Variants in GALNT9 observed in about 807,000 individuals in gnomAD.
GALNT9 encodes the protein polypeptide N-acetylgalactosaminyltransferase 9, also known as GalNAc transferase 9.
GALNT9 carries 47 observed loss-of-function variants against 63.1 expected under a neutral mutation model. That is an observed-to-expected ratio of 0.75 (90% CI 0.59 to 0.95). GALNT9 has a LOEUF of 0.95. Ranked by LOEUF, GALNT9 falls within the 40% of genes least tolerant of loss-of-function variation. The pLI is 0.00. For synonymous variants in GALNT9, 396 were observed against 365.7 expected (o/e 1.08, Z -0.94); for missense variants, 829 against 874.8 (o/e 0.95, Z 0.66).
rs55692929 is a variant in GALNT9, at chr12:132,276,018, C to T, written c.419+10232G>A. ...GCCTGGCATCGAGCCGGCTCTGCCC[C>T]GCAGGTCCCAGTGAATCCACATTGC... On this transcript the variant is annotated intron_variant, in intron 2 of 10. Coordinates refer to ENST00000328957, the MANE Select transcript of GALNT9 (RefSeq NM_001122636.2). 4.7e-3 allele frequency among the ~76,000 whole-genome samples: 718 copies of T among 152,364 alleles called. 3 individuals are homozygous for T. The highest frequency in any genetic ancestry group is 0.016 in the African/African-American group (662 of 41,592).
chr12:132,258,158 C>T (rs953928923), intron 4 of GALNT9, among the ~76,000 whole-genome samples: 1 of 152,184 alleles, frequency 6.6e-6, no homozygotes, highest in African/African-American at 2.4e-5. Flanking sequence ...GTTGGCCCAA[C>T]TGCAGTATCT....
intron 5 of GALNT9, among the ~76,000 whole-genome samples, chr12:132,254,550 G>A (rs753943469): frequency 5.8e-4 from 89 of 152,322 alleles, no homozygotes; most frequent in Non-Finnish European, 4.0e-4. Context: ...GCTCCAGCAC[G>A]TGACTCTGTG....
chr12:132,225,636 CCACA>C (rs1224439964), intron 6 of GALNT9, among the ~76,000 whole-genome samples: 1 of 149,376 alleles, frequency 6.7e-6, no homozygotes, highest in Non-Finnish European at 1.5e-5. Flanking sequence ...AACCCACACC[CCACA>C]CACTGTATAT....
rs144984523 is a variant in GALNT9, at chr12:132,239,325, G to GACAGAGAGACACAGAGACAGAGACAC, written c.1077+8584_1077+8585insGTGTCTCTGTCTCTGTGTCTCTCTGT. 4.8e-5 allele frequency among the ~76,000 whole-genome samples: 5 copies of GACAGAGAGACACAGAGACAGAGACAC among 104,872 alleles called. 2 individuals are homozygous for GACAGAGAGACACAGAGACAGAGACAC. The highest frequency in any genetic ancestry group is 3.0e-4 in the Admixed American group (3 of 10,068). 68.8% of individuals were successfully genotyped at this position (104,872 alleles called of 152,430 possible). ...AGAGACACACACTGAGAGACTGAGAGAGAGAGACAGAGTCAGAGACAGAGT... is the reference window on the plus strand; with the variant it reads ...AGAGACACACACTGAGAGACTGAGAGACAGAGAGACACAGAGACAGAGACACAGAGAGACAGAGTCAGAGACAGAGT... On this transcript the variant is annotated intron_variant, in intron 6 of 10. Transcript: ENST00000328957.
chr12:132,320,331 G>C (rs537158422), intron 1 of GALNT9, among the ~76,000 whole-genome samples: 1 of 152,344 alleles, frequency 6.6e-6, no homozygotes, highest in African/African-American at 2.4e-5. Context: ...ACGCGGGTGC[G>C]GCAGACACGG....
At chr12:132,241,132 A>C (rs2136900817) in intron 6 of GALNT9, among the ~76,000 whole-genome samples, 320 of 17,616 alleles carry the variant, frequency 0.018, no homozygotes, top group Middle Eastern at 0.083. Context: ...ACACCCTTCC[A>C]GGGGCCCTCC....
chr12:132,198,848 C>T (rs755141544), intron 9 of GALNT9, among the ~76,000 whole-genome samples: 15 of 152,282 alleles, frequency 9.9e-5, no homozygotes, highest in East Asian at 1.9e-4. Flanking sequence ...GACAGGGTTT[C>T]GCCACGCTGC....
rs904060437 is a variant in GALNT9 at position 132,265,271 on chromosome 12, G to A, written c.420-2646C>T. Reference sequence around the variant, plus strand: ...CTGCTGGGGATGAGGGAGAGGCCACGGGGAGAAAATGACGGCTGGACCGGT... The same window carrying A: ...CTGCTGGGGATGAGGGAGAGGCCACAGGGAGAAAATGACGGCTGGACCGGT... On this transcript the variant is annotated intron_variant, in intron 2 of 10. Transcript: ENST00000328957. This position sits in a 1 kb window ranked among gnomAD's most constrained non-coding sequence, Gnocchi z 5.3. 1.3e-5 allele frequency among the ~76,000 whole-genome samples: 2 copies of A among 152,168 alleles called. No individual in the cohort carries two copies. Among genetic ancestry groups the A allele is most frequent in the Non-Finnish European group, 1.5e-5 (1 of 68,036 alleles).
At chr12:132,201,576 C>T (rs1444973632) in intron 7 of GALNT9, among the ~76,000 whole-genome samples, 1 of 152,194 alleles carries the variant, frequency 6.6e-6, no homozygotes, top group Non-Finnish European at 1.5e-5. Context: ...GACGGCCCTG[C>T]TCACCTGGCC....
rs1043770981 is a variant in GALNT9, at chr12:132,265,252, G to C, written c.420-2627C>G. 1.3e-4 allele frequency among the ~76,000 whole-genome samples: 20 copies of C among 152,264 alleles called. No homozygotes were observed. Among genetic ancestry groups the C allele is most frequent in the African/African-American group, 4.8e-4 (20 of 41,556 alleles). ...GCCTTGTCCTCCTGCGCTCCTGCTG[G>C]GGATGAGGGAGAGGCCACGGGGAGA... On this transcript the variant is annotated intron_variant, in intron 2 of 10. Transcript: ENST00000328957. This position sits in a 1 kb window ranked among gnomAD's most constrained non-coding sequence, Gnocchi z 5.3.
chr12:132,213,422 A>C (rs1414072784), intron 6 of GALNT9, among the ~76,000 whole-genome samples: 1 of 152,064 alleles, frequency 6.6e-6, no homozygotes, highest in Admixed American at 6.6e-5. Flanking sequence ...TGTGCAACAT[A>C]ATCACTCAGT....
At chr12:132,270,720 GGCCACA>G (rs1287631178) in intron 2 of GALNT9, among the ~76,000 whole-genome samples, 1 of 152,114 alleles carries the variant, frequency 6.6e-6, no homozygotes, top group Non-Finnish European at 1.5e-5. Context: ...ACACGGCCAC[GGCCACA>G]GCCACAGCCA....
At chr12:132,204,402 G>A (rs548448238) in intron 6 of GALNT9, among the ~76,000 whole-genome samples, 9 of 152,228 alleles carry the variant, frequency 5.9e-5, no homozygotes, top group African/African-American at 1.9e-4. Flanking sequence ...TTGCTCTCCC[G>A]ATTCTGGGTG....
intron 6 of GALNT9, among the ~76,000 whole-genome samples, chr12:132,240,892 A>G (rs113744994): frequency 0.065 from 5,166 of 79,732 alleles, 85 homozygotes; most frequent in Middle Eastern, 0.19. Context: ...TTACACACAC[A>G]CCACACACCC....
chr12:132,274,669 C>T (rs1377953562), intron 2 of GALNT9: 1 of 152,282 alleles, frequency 6.6e-6, no homozygotes, highest in African/African-American at 2.4e-5. Context: ...TCCAAAGCCT[C>T]AGAGCTGTGG....
intron 1 of GALNT9, among the ~76,000 whole-genome samples, chr12:132,297,136 C>T (rs998156010): frequency 1.2e-4 from 18 of 151,424 alleles, no homozygotes; most frequent in Admixed American, 3.9e-4. Flanking sequence ...CCACCACAAC[C>T]GACTCACTCC....
At chr12:132,290,659 CCCA>C (rs1488471076) in intron 1 of GALNT9, among the ~76,000 whole-genome samples, 1 of 115,860 alleles carries the variant, frequency 8.6e-6, no homozygotes, top group African/African-American at 4.4e-5. Context: ...ATCCACAGCG[CCCA>C]CGTCCACAGC....
At chr12:132,239,198 G>T (rs1024678949) in intron 6 of GALNT9, among the ~76,000 whole-genome samples, 1 of 132,320 alleles carries the variant, frequency 7.6e-6, no homozygotes, top group Non-Finnish European at 1.6e-5. Flanking sequence ...TGGGGGACAG[G>T]CAGAGAGAGA....
intron 1 of GALNT9, among the ~76,000 whole-genome samples, chr12:132,326,921 C>A (rs1555246557): frequency 6.6e-6 from 1 of 152,212 alleles, no homozygotes; most frequent in Non-Finnish European, 1.5e-5. Context: ...CACCGCCCTC[C>A]CCGTAGGGCC....
Sources: gnomAD v4.1 joint callset for allele counts (sites outside exome capture counted in the v4.1 genomes callset) on GRCh38, gnomAD v4.1.1 for gene constraint, Gnocchi (gnomAD v3.1) non-coding constraint, MANE v1.5 for transcripts, NCBI Gene and HGNC (gene_info 2026-07-23, HGNC 2026-07-21) for gene names.